Variants in DENND5A observed in about 807,000 individuals in gnomAD.
DENND5A encodes DENN domain-containing protein 5A.
Under a neutral mutation model 140.3 loss-of-function variants are expected in DENND5A, and 64 were observed. That is an observed-to-expected ratio of 0.46 (90% CI 0.37 to 0.56). The LOEUF (loss-of-function observed/expected upper bound fraction) is 0.56. DENND5A is among the 20% of genes least tolerant of loss of function. The pLI is 0.00. For missense variants in DENND5A, 1,292 were observed against 1,593.8 expected (o/e 0.81, Z 3.22); for synonymous variants, 605 against 607.7 (o/e 1.00, Z 0.07).
At chr11:9,227,512 G>C (rs1850580622) in intron 1 of DENND5A, among the ~76,000 whole-genome samples, 1 of 152,214 alleles carries the variant, frequency 6.6e-6, no homozygotes, top group Admixed American at 6.5e-5. Context: ...ATCTCATCCA[G>C]ATGAAGCTGG....
At chr11:9,228,804 C>T (rs1375920867) in intron 1 of DENND5A, among the ~76,000 whole-genome samples, 1 of 152,088 alleles carries the variant, frequency 6.6e-6, no homozygotes, top group Non-Finnish European at 1.5e-5. Flanking sequence ...GTGCACTCAG[C>T]GTGAGCACGA....
intron 1 of DENND5A, among the ~76,000 whole-genome samples, chr11:9,236,553 A>G (rs1172732705): frequency 6.6e-6 from 1 of 152,064 alleles, no homozygotes; most frequent in African/African-American, 2.4e-5. Context: ...AGAAAAAAAA[A>G]AGAAATATTT....
At chr11:9,231,962 G>T (rs915318123) in intron 1 of DENND5A, among the ~76,000 whole-genome samples, 8 of 151,842 alleles carry the variant, frequency 5.3e-5, no homozygotes, top group Admixed American at 1.3e-4. Context: ...TTGTACTTCA[G>T]GCCCAGCTGT....
intron 1 of DENND5A, among the ~76,000 whole-genome samples, chr11:9,255,011 C>T (rs1465504791): frequency 6.6e-6 from 1 of 152,022 alleles, no homozygotes; most frequent in African/African-American, 2.4e-5. Flanking sequence ...GCAGAGGTTG[C>T]AGTGAGCCAA....
At chr11:9,263,580 C>T (rs1458544589) in intron 1 of DENND5A, among the ~76,000 whole-genome samples, 1 of 148,364 alleles carries the variant, frequency 6.7e-6, no homozygotes, top group Non-Finnish European at 1.5e-5. Context: ...CGGTGGCTCA[C>T]GCCTGTAATC....
intron 1 of DENND5A, among the ~76,000 whole-genome samples, chr11:9,233,233 T>C (rs1368954263): frequency 6.6e-6 from 1 of 151,950 alleles, no homozygotes; most frequent in East Asian, 1.9e-4. Flanking sequence ...ACCTCGCCTC[T>C]ACTAAAAATA....
At chr11:9,156,739 T>C (rs1418813240) in intron 12 of DENND5A, among the ~76,000 whole-genome samples, 4 of 151,252 alleles carry the variant, frequency 2.6e-5, no homozygotes, top group Non-Finnish European at 4.4e-5. Context: ...GATGTGGAGG[T>C]TGCAGTGAGC....
intron 1 of DENND5A, among the ~76,000 whole-genome samples, chr11:9,231,682 T>A (rs1185610130): frequency 2.6e-5 from 3 of 116,670 alleles, no homozygotes; most frequent in African/African-American, 3.4e-5. Context: ...GCCATTGCAT[T>A]CCAGCCTGGG....
intron 17 of DENND5A, chr11:9,145,352 G>A: frequency 1.7e-6 from 1 of 586,280 alleles, no homozygotes; most frequent in Non-Finnish European, 3.0e-6. Flanking sequence ...AGAGATTCTG[G>A]AAGTGGGTTC....
rs149929115 is a variant in DENND5A, at chr11:9,203,870, C to T, written c.739G>A (p.Val247Ile). ...PLPLESYIYN[V>I]LYEVPLPPPG... ...GGTGGGAGCGGCACCTCGTAGAGTA[C>T]GTTGTATATGTAGCTCTCAAGGGGC... Residue 247 changes from valine to isoleucine, a missense_variant, in exon 4 of 23, where the codon GTA (valine) becomes ATA (isoleucine). This residue lies in a region of DENND5A where 566 missense variants were observed against 650.4 expected (regional missense o/e 0.87). Coordinates refer to ENST00000328194, the MANE Select transcript of DENND5A (RefSeq NM_015213.4). 4.0e-4 allele frequency: 649 copies of T among 1,614,044 alleles called. 4 individuals are homozygous for T. The African/African-American group carries it at 7.9e-3, about 20-fold the overall frequency.
chr11:9,219,085 G>T (rs1328965013), intron 1 of DENND5A, among the ~76,000 whole-genome samples: 1 of 151,680 alleles, frequency 6.6e-6, no homozygotes, highest in Non-Finnish European at 1.5e-5. Flanking sequence ...CCATCCAAGA[G>T]GTCTAAAACC....
chr11:9,226,815 A>G (rs1325920620), intron 1 of DENND5A, among the ~76,000 whole-genome samples: 1 of 152,156 alleles, frequency 6.6e-6, no homozygotes, highest in Non-Finnish European at 1.5e-5. Flanking sequence ...GCAAGACTCA[A>G]AACAATTCAC....
intron 1 of DENND5A, among the ~76,000 whole-genome samples, chr11:9,234,124 G>A (rs1218828546): frequency 1.3e-5 from 2 of 150,846 alleles, no homozygotes; most frequent in Non-Finnish European, 2.9e-5. Flanking sequence ...GCTGCACTGA[G>A]CCATGATCGT....
At position 9,152,420 on chromosome 11, in the gene DENND5A, T is replaced by A. The variant is rs1847649592; in HGVS notation, c.2459A>T (p.His820Leu). ...VKQGKSALWS[H>L]LLHYQDNRQR... is the part of the protein sequence containing the mutation. The stretch of plus-strand genomic sequence containing the variant: ...CCGGTTGTCCTGATAATGTAACAGG[T>A]GGGACCATAAGGCTGATTTCCCCTG... Residue 820 changes from histidine (H) to leucine (L), a missense_variant, in exon 13 of 23, where the codon CAC (histidine) becomes CTC (leucine). Physicochemically the swap from His to Leu is moderately conservative, Grantham distance 99. Coordinates refer to ENST00000328194, the MANE Select transcript of DENND5A (RefSeq NM_015213.4). 6.2e-7 allele frequency: 1 copy of A among 1,613,584 alleles called. No individual in the cohort carries two copies. Among genetic ancestry groups the A allele is most frequent in the Non-Finnish European group, 8.5e-7 (1 of 1,179,646 alleles).
chr11:9,201,602 C>T (rs998140403), intron 4 of DENND5A, among the ~76,000 whole-genome samples: 3 of 151,896 alleles, frequency 2.0e-5, no homozygotes, highest in Non-Finnish European at 2.9e-5. Flanking sequence ...CATGGGAGGA[C>T]GAGGCTGCAG....
intron 1 of DENND5A, among the ~76,000 whole-genome samples, chr11:9,256,321 G>A (rs554860131): frequency 9.3e-4 from 142 of 151,912 alleles, no homozygotes; most frequent in Middle Eastern, 6.8e-3. Context: ...TTAGCTAGGC[G>A]TGGTGGTACA....
chr11:9,209,109 C>T lies in DENND5A; in HGVS notation c.110-1477G>A, dbSNP rs142631951. ...CTTTCAGTTATCAGTTTGTTCATTT[C>T]TTCCTAACTAGCCAGAAAATCCCCT... On this transcript the variant is annotated intron_variant, in intron 1 of 22. Coordinates refer to ENST00000328194, the MANE Select transcript of DENND5A (RefSeq NM_015213.4). Among the ~76,000 whole-genome samples the T allele has an allele frequency of 1.8e-3, 270 of 152,330 alleles. 1 individual carries two copies. Among genetic ancestry groups the T allele is most frequent in the African/African-American group, 5.6e-3 (231 of 41,576 alleles).
At chr11:9,227,982 G>A (rs1314055148) in intron 1 of DENND5A, among the ~76,000 whole-genome samples, 1 of 151,504 alleles carries the variant, frequency 6.6e-6, no homozygotes, top group Non-Finnish European at 1.5e-5. Context: ...GCATGGTGGT[G>A]CATGCCTGTA....
chr11:9,145,767 G>C lies in DENND5A; in HGVS notation c.2906C>G (p.Ser969Cys), dbSNP rs766216491. 1 of 1,614,056 alleles carries C rather than the reference G, an allele frequency of 6.2e-7. No individual in the cohort carries two copies. Among genetic ancestry groups the C allele is most frequent in the Non-Finnish European group, 8.5e-7 (1 of 1,180,034 alleles). The change falls in exon 17 of 23, where the codon TCC becomes TGC. Residue 969 changes from serine to cysteine, a missense_variant. Coordinates refer to ENST00000328194, the MANE Select transcript of DENND5A (RefSeq NM_015213.4). ...GATCCATGGGTTGGCAGTGAACATGGAGCCCCCCAGCTTCTTGCTTGGTAC... is the reference window on the plus strand; with the variant it reads ...GATCCATGGGTTGGCAGTGAACATGCAGCCCCCCAGCTTCTTGCTTGGTAC... ...LIVPSKKLGG[S>C]MFTANPWICI...
Sources: gnomAD v4.1 joint callset for allele counts (sites outside exome capture counted in the v4.1 genomes callset) on GRCh38, gnomAD v4.1.1 for gene constraint, gnomAD v4.1.1 regional missense constraint, MANE v1.5 for transcripts, NCBI Gene and HGNC (gene_info 2026-07-23, HGNC 2026-07-21) for gene names.